Variants in SDK2 observed in about 807,000 individuals in gnomAD.
SDK2 encodes the protein protein sidekick-2.
SDK2 carries 105 observed loss-of-function variants against 253.9 expected under a neutral mutation model. The observed-to-expected ratio is 0.41, with a 90% CI of 0.35 to 0.49. The LOEUF is 0.49. SDK2 is among the 20% of genes least tolerant of loss of function. The probability of loss-of-function intolerance (pLI) is 0.06; values close to 1 mark genes in which losing one functional copy is unlikely to be tolerated. For synonymous variants in SDK2, 1,249 were observed against 1,234.9 expected (o/e 1.01, Z -0.24); for missense variants, 2,608 against 3,003.0 (o/e 0.87, Z 3.07).
At position 73,379,656 on chromosome 17, in the gene SDK2, G is replaced by A. The variant is rs1226812496; in HGVS notation, c.4763-107C>T. 17 of 665,916 alleles carry A rather than the reference G, an allele frequency of 2.6e-5. No homozygotes were observed. The South Asian group carries it at 2.9e-4, about 12-fold the overall frequency. The allele number at this position is 665,916 out of a possible 1,614,324, so 41.3% of individuals were successfully genotyped here. On this transcript the variant is annotated intron_variant, in intron 34 of 44. Coordinates refer to ENST00000392650, the MANE Select transcript of SDK2 (RefSeq NM_001144952.2). The surrounding 1 kb of genome is among the most constrained non-coding windows in gnomAD (Gnocchi z 4.5). The stretch of plus-strand genomic sequence containing the variant: ...GCAGGGGGAGGAATGAGGCACCCCC[G>A]CCATTCTAGCCCCCTCTGTGAAGGT...
intron 1 of SDK2, among the ~76,000 whole-genome samples, chr17:73,615,819 C>T (rs1779400338): frequency 6.6e-6 from 1 of 152,174 alleles, no homozygotes; most frequent in Admixed American, 6.5e-5. Context: ...TACACACATA[C>T]ATAAACATAT....
rs1405961727 is a variant in SDK2 at position 73,415,950 on chromosome 17, G to A, written c.2229C>T (p.Asn743=). The change falls in exon 17 of 45, where the codon AAC becomes AAT. Residue 743 remains asparagine, a synonymous_variant. Transcript: ENST00000392650. ...AGLPVGYQFK[N]ITDADVNNLL... is the part of the protein sequence containing the mutation. ...GGTTGTTCACATCAGCATCCGTGATGTTCTTAAACTGGTACCCCACGGGCA... is the reference window on the plus strand; with the variant it reads ...GGTTGTTCACATCAGCATCCGTGATATTCTTAAACTGGTACCCCACGGGCA... 2 of 1,611,838 alleles carry A rather than the reference G, an allele frequency of 1.2e-6. No homozygotes were observed. Among genetic ancestry groups the A allele is most frequent in the Admixed American group, 1.7e-5 (1 of 59,692 alleles).
chr17:73,422,492 C>G, intron 14 of SDK2, 58 bp from the exon 15 acceptor site: 15 of 1,574,350 alleles, frequency 9.5e-6, no homozygotes, highest in Non-Finnish European at 1.1e-5. Flanking sequence ...AAGCATGCTT[C>G]TTACTCCCCA....
At chr17:73,394,930 C>A (rs375698106) in intron 25 of SDK2, among the ~76,000 whole-genome samples, 65 of 152,266 alleles carry the variant, frequency 4.3e-4, no homozygotes, top group African/African-American at 1.2e-3. Context: ...GCAGGGATAC[C>A]CCCGCCCCCC....
chr17:73,437,264 G>A (rs2063377262), intron 8 of SDK2, among the ~76,000 whole-genome samples: 1 of 152,186 alleles, frequency 6.6e-6, no homozygotes, highest in Non-Finnish European at 1.5e-5. Context: ...GGACGGTGGG[G>A]AAGGGGAAAG....
intron 1 of SDK2, among the ~76,000 whole-genome samples, chr17:73,526,574 T>G (rs986040736): frequency 1.3e-5 from 2 of 152,184 alleles, no homozygotes; most frequent in African/African-American, 4.8e-5. Context: ...TGCTTGGATG[T>G]CATCTGTGGG....
At chr17:73,585,567 A>G (rs1029095099) in intron 1 of SDK2, among the ~76,000 whole-genome samples, 1 of 152,110 alleles carries the variant, frequency 6.6e-6, no homozygotes, top group South Asian at 2.1e-4. Context: ...TTTGGCAAAA[A>G]TCCCCCATCT....
Position 73,515,292 on chromosome 17 carries a change from C to T in SDK2, c.65-7695G>A, listed in dbSNP as rs141355346. ...ACCCTTCATACCCCAACCTGTAGCA[C>T]CAGGGGTGGTGAGAGGGACGGGGGA... On this transcript the variant is annotated intron_variant, in intron 1 of 44. Transcript: ENST00000392650. Among the ~76,000 whole-genome samples the T allele has an allele frequency of 7.2e-4, 110 of 152,248 alleles. 1 individual carries two copies. In the East Asian group the frequency reaches 0.021, roughly 29 times the overall value.
At chr17:73,545,556 C>G (rs1003635257) in intron 1 of SDK2, among the ~76,000 whole-genome samples, 10 of 152,150 alleles carry the variant, frequency 6.6e-5, no homozygotes, top group African/African-American at 2.4e-4. Flanking sequence ...GCAAAGGGAC[C>G]GGAAACAGAG....
chr17:73,365,852 G>GCCC (rs2062680108), intron 37 of SDK2, among the ~76,000 whole-genome samples: 2 of 152,162 alleles, frequency 1.3e-5, no homozygotes, highest in African/African-American at 4.8e-5. Flanking sequence ...AACCACAGCA[G>GCCC]ACGGAGATGG....
intron 18 of SDK2, among the ~76,000 whole-genome samples, chr17:73,408,349 C>G (rs1402666581): frequency 6.6e-6 from 1 of 151,166 alleles, no homozygotes; most frequent in Admixed American, 6.6e-5. Context: ...TCCCGAGTAG[C>G]TGGGACTACA....
In SDK2 at chr17:73,433,812, C is replaced by G. The variant is rs142425619; in HGVS notation, c.1232G>C (p.Ser411Thr). 2.3e-5 allele frequency: 36 copies of G among 1,597,632 alleles called. No homozygotes were observed. Among genetic ancestry groups the G allele is most frequent in the Non-Finnish European group, 2.9e-5 (34 of 1,172,240 alleles). Reference protein sequence around the residue: ...APNITRGPLDSTVIDGMSVVL... With the variant: ...APNITRGPLDTTVIDGMSVVL... ...CACTGACATGCCATCGATCACCGTG[C>G]TGTCCAGGGGGCCTCTGGTGATGTT... is the stretch of plus-strand genomic sequence containing the variant. The change falls in exon 10 of 45, where the codon AGC becomes ACC. Residue 411 changes from serine to threonine, a missense_variant. By Grantham distance (58) the Ser-to-Thr change is moderately conservative. Coordinates refer to ENST00000392650, the MANE Select transcript of SDK2 (RefSeq NM_001144952.2).
intron 2 of SDK2, among the ~76,000 whole-genome samples, chr17:73,484,981 C>T (rs959773214): frequency 5.9e-5 from 9 of 152,288 alleles, no homozygotes; most frequent in Admixed American, 1.3e-4. Context: ...AGGACCCCAT[C>T]GTATTGGCTT....
chr17:73,437,615 A>G (rs907659218), intron 8 of SDK2, 124 bp downstream of exon 8: 14 of 775,274 alleles, frequency 1.8e-5, no homozygotes, highest in Non-Finnish European at 2.8e-5. Context: ...AGACAGCCAG[A>G]CAGACTCTCT....
intron 5 of SDK2, among the ~76,000 whole-genome samples, chr17:73,441,387 C>T (rs2046384950): frequency 6.6e-6 from 1 of 152,174 alleles, no homozygotes; most frequent in South Asian, 2.1e-4. Flanking sequence ...CATCTGGCAC[C>T]TGTAAATGTG....
chr17:73,576,541 T>C (rs1401937139), intron 1 of SDK2, among the ~76,000 whole-genome samples: 2 of 152,148 alleles, frequency 1.3e-5, no homozygotes, highest in African/African-American at 2.4e-5. Context: ...TGGAGTTCCA[T>C]GAGAGAGGGT....
At chr17:73,419,643 G>C (rs1393089531) in intron 15 of SDK2, among the ~76,000 whole-genome samples, 1 of 150,116 alleles carries the variant, frequency 6.7e-6, no homozygotes, top group Non-Finnish European at 1.5e-5. Context: ...GCTGAGGCAA[G>C]AGGATTGCTT....
At chr17:73,425,243 A>C (rs1288938506) in intron 12 of SDK2, among the ~76,000 whole-genome samples, 5 of 152,170 alleles carry the variant, frequency 3.3e-5, no homozygotes, top group Non-Finnish European at 7.3e-5. Context: ...AAGCCCCCCC[A>C]AAAAACAGAA....
intron 3 of SDK2, among the ~76,000 whole-genome samples, chr17:73,466,976 T>C (rs1645190217): frequency 6.6e-6 from 1 of 152,092 alleles, no homozygotes; most frequent in South Asian, 2.1e-4. Context: ...CCCCAAGACA[T>C]GCCGTTATTT....
Sources: gnomAD v4.1 joint callset for allele counts (sites outside exome capture counted in the v4.1 genomes callset) on GRCh38, gnomAD v4.1.1 for gene constraint, Gnocchi (gnomAD v3.1) non-coding constraint, MANE v1.5 for transcripts, NCBI Gene and HGNC (gene_info 2026-07-23, HGNC 2026-07-21) for gene names.